RWDD2A: variants seen among roughly 807,000 people sequenced by gnomAD.
The protein encoded by RWDD2A is RWD domain containing 2A.
RWDD2A carries 15 observed loss-of-function variants against 23.1 expected under a neutral mutation model. That is an observed-to-expected ratio of 0.65 (90% CI 0.43 to 1.00). The LOEUF is 1.00. Among genes scored for constraint, RWDD2A ranks in the 50% least tolerant of loss-of-function variants. The probability of loss-of-function intolerance (pLI) is 0.00; values close to 1 mark genes in which losing one functional copy is unlikely to be tolerated. For synonymous variants in RWDD2A, 103 were observed against 123.0 expected, an observed-to-expected ratio of 0.84 and a Z score of 1.08; for missense variants, 310 against 341.7, an observed-to-expected ratio of 0.91 and a Z score of 0.73.
In RWDD2A at chr6:83,195,893, A is replaced by G. The variant is rs747551869; in HGVS notation, c.500A>G (p.Gln167Arg). ...RMWIYSHHIYQQDLRKKILDV... is the reference protein window; with the variant it reads ...RMWIYSHHIYRQDLRKKILDV... The stretch of plus-strand genomic sequence containing the variant: ...TGGATCTACAGTCACCATATATATC[A>G]GCAGGACCTAAGGAAAAAGATTTTG... Residue 167 changes from glutamine (Q) to arginine (R), a missense_variant, in exon 3 of 3, where the codon CAG (glutamine) becomes CGG (arginine). Physicochemically the swap from Gln to Arg is conservative, Grantham distance 43. Transcript: ENST00000369724. 6.2e-7 allele frequency: 1 copy of G among 1,614,232 alleles called. No homozygotes were observed. Among genetic ancestry groups the G allele is most frequent in the South Asian group, 1.1e-5 (1 of 91,084 alleles).
chr6:83,195,676 G>C lies in RWDD2A; in HGVS notation c.283G>C (p.Asp95His), dbSNP rs770174723. Residue 95 changes from aspartate to histidine, a missense_variant, in exon 3 of 3, where the codon GAC (aspartate) becomes CAC (histidine). Coordinates refer to ENST00000369724, the MANE Select transcript of RWDD2A (RefSeq NM_033411.5). ...GCTGTTTGGACGGTCATCTGAACTTGACAGACATCAGCAGCTACTTCTCAA... is the reference window on the plus strand; with the variant it reads ...GCTGTTTGGACGGTCATCTGAACTTCACAGACATCAGCAGCTACTTCTCAA... ...LQLFGRSSELDRHQQLLLNKG... is the reference protein window; with the variant it reads ...LQLFGRSSELHRHQQLLLNKG... 9 of 1,614,090 alleles carry C rather than the reference G, an allele frequency of 5.6e-6. No individual in the cohort carries two copies. In the Admixed American group the frequency reaches 1.2e-4, roughly 21 times the overall value.
rs1789615977 is a variant in RWDD2A at position 83,197,071 on chromosome 6, A to T, written c.*799A>T. 1 of 152,230 alleles carries T rather than the reference A, an allele frequency of 6.6e-6. No individual in the cohort carries two copies. Among genetic ancestry groups the T allele is most frequent in the Admixed American group, 6.5e-5 (1 of 15,284 alleles). 9.4% of individuals were successfully genotyped at this position (152,230 alleles called of 1,614,324 possible). ...AATAGCAGTGGCAAAGGACTCATAG[A>T]CATGAAGTCCCACGAGTTAAAAGAT... On this transcript the variant is annotated 3_prime_UTR_variant, in exon 3 of 3. Transcript: ENST00000369724.
Position 83,198,509 on chromosome 6 carries a change from TTTGC to T in RWDD2A, c.*2238_*2241del, listed in dbSNP as rs1789680410. 3 of 152,174 alleles carry T rather than the reference TTTGC, an allele frequency of 2.0e-5. No homozygotes were observed. Among genetic ancestry groups the T allele is most frequent in the Admixed American group, 2.0e-4 (3 of 15,274 alleles). 9.4% of individuals were successfully genotyped at this position (152,174 alleles called of 1,614,324 possible). A position where few individuals can be genotyped will look rare whatever the true frequency, so the allele number is the denominator to read the frequency against. ...TGTATGTATAGGAGTCTGCTGGTTGTTTGCACAGCCTGATATGAGCACATAATAA... is the reference window on the plus strand; with the variant it reads ...TGTATGTATAGGAGTCTGCTGGTTGTACAGCCTGATATGAGCACATAATAA... On this transcript the variant is annotated 3_prime_UTR_variant, in exon 3 of 3. Coordinates refer to ENST00000369724, the MANE Select transcript of RWDD2A (RefSeq NM_033411.5).
rs751616554 is a variant in RWDD2A at position 83,196,002 on chromosome 6, C to T, written c.609C>T (p.His203=). 1 of 1,614,172 alleles carries T rather than the reference C, an allele frequency of 6.2e-7. No homozygotes were observed. The highest frequency in any genetic ancestry group is 8.5e-7 in the Non-Finnish European group (1 of 1,180,032). Residue 203 remains histidine, a synonymous_variant, in exon 3 of 3, where the codon CAC becomes CAT. Transcript: ENST00000369724. ...GIICVEGFKE[H]CEEFWHTIRY... The stretch of plus-strand genomic sequence containing the variant: ...TCTGTGTGGAGGGTTTCAAAGAGCA[C>T]TGTGAGGAGTTCTGGCACACAATTA...
rs1270853457 is a variant in RWDD2A at position 83,195,770 on chromosome 6, G to C, written c.377G>C (p.Trp126Ser). 1 of 1,613,960 alleles carries C rather than the reference G, an allele frequency of 6.2e-7. No individual in the cohort carries two copies. Among genetic ancestry groups the C allele is most frequent in the Admixed American group, 1.7e-5 (1 of 59,996 alleles). The change falls in exon 3 of 3, where the codon TGG becomes TCG. Residue 126 changes from tryptophan to serine, a missense_variant. Physicochemically the swap from Trp to Ser is radical, Grantham distance 177. Coordinates refer to ENST00000369724, the MANE Select transcript of RWDD2A (RefSeq NM_033411.5). Reference sequence around the variant, plus strand: ...CTCTGTGTATGTGCAGCAATCCAGTGGCTACAGGACAACAGTGCATCTTAT... The same window carrying C: ...CTCTGTGTATGTGCAGCAATCCAGTCGCTACAGGACAACAGTGCATCTTAT... ...GELCVCAAIQ[W>S]LQDNSASYFL...
At chr6:83,193,664 A>G (rs1427493000) in intron 1 of RWDD2A, among the ~76,000 whole-genome samples, 1 of 152,072 alleles carries the variant, frequency 6.6e-6, no homozygotes, top group African/African-American at 2.4e-5. Context: ...GCCCACAGTG[A>G]GCGCCGCCGG....
At chr6:83,193,821 A>G (rs1163550220) in intron 1 of RWDD2A, 1 of 151,460 alleles carries the variant, frequency 6.6e-6, no homozygotes, top group African/African-American at 2.4e-5. Context: ...GACACCCCCT[A>G]CCCTTATCCT....
At position 83,194,608 on chromosome 6, in the gene RWDD2A, C is replaced by T; in HGVS notation, c.157C>T (p.Pro53Ser). 2 of 1,614,134 alleles carry T rather than the reference C, an allele frequency of 1.2e-6. No homozygotes were observed. The highest frequency in any genetic ancestry group is 1.7e-6 in the Non-Finnish European group (2 of 1,180,022). The part of the protein sequence containing the change: ...YLEGTREALP[P>S]KIEFVITLQI... The stretch of plus-strand genomic sequence containing the variant: ...GGAAGGCACAAGGGAGGCGCTGCCA[C>T]CAAAAATCGAATTTGTAATTACACT... The change falls in exon 2 of 3, where the codon CCA becomes TCA. Residue 53 changes from proline to serine, a missense_variant. Physicochemically the swap from Pro to Ser is moderately conservative, Grantham distance 74. Transcript: ENST00000369724.
chr6:83,196,412 A>C lies in RWDD2A; in HGVS notation c.*140A>C. On this transcript the variant is annotated 3_prime_UTR_variant, in exon 3 of 3. Coordinates refer to ENST00000369724, the MANE Select transcript of RWDD2A (RefSeq NM_033411.5). Reference sequence around the variant, plus strand: ...GAATTTTCACCTGGTAACGAATTTCAACTGACAGTGAAATGAATAGGCCTT... The same window carrying C: ...GAATTTTCACCTGGTAACGAATTTCCACTGACAGTGAAATGAATAGGCCTT... 1.8e-5 allele frequency: 10 copies of C among 547,930 alleles called. No individual in the cohort carries two copies. Among genetic ancestry groups the C allele is most frequent in the East Asian group, 3.1e-5 (1 of 32,414 alleles). 33.9% of individuals were successfully genotyped at this position (547,930 alleles called of 1,614,324 possible). A position where few individuals can be genotyped will look rare whatever the true frequency, so the allele number is the denominator to read the frequency against.
Position 83,194,524 on chromosome 6 carries a change from A to G in RWDD2A, c.73A>G (p.Asn25Asp), listed in dbSNP as rs1341740937. The G allele has an allele frequency of 6.2e-7, 1 of 1,613,920 alleles. No homozygotes were observed. Among genetic ancestry groups the G allele is most frequent in the Non-Finnish European group, 8.5e-7 (1 of 1,179,976 alleles). Residue 25 changes from asparagine to aspartate, a missense_variant, in exon 2 of 3, where the codon AAC (asparagine) becomes GAC (aspartate). Asn to Asp is a conservative substitution (Grantham distance 23). Coordinates refer to ENST00000369724, the MANE Select transcript of RWDD2A (RefSeq NM_033411.5). ...EMEMLFSMFP[N>D]QGEVKLEDVN... ...GGAAATGCTGTTTTCTATGTTTCCT[A>G]ACCAAGGAGAAGTAAAACTTGAAGA...
In RWDD2A at chr6:83,196,509, T is replaced by C. The variant is rs555285622; in HGVS notation, c.*237T>C. 27 of 288,704 alleles carry C rather than the reference T, an allele frequency of 9.4e-5. No individual in the cohort carries two copies. The highest frequency in any genetic ancestry group is 5.6e-4 in the African/African-American group (26 of 46,314). 17.9% of individuals were successfully genotyped at this position (288,704 alleles called of 1,614,324 possible). On this transcript the variant is annotated 3_prime_UTR_variant, in exon 3 of 3. Transcript: ENST00000369724. ...GTGAAGTCATTCAAAAACTATTTCA[T>C]TGTAAATTAATAAAAACAATCCATT...
In RWDD2A at chr6:83,198,433, G is replaced by T. The variant is rs976456908; in HGVS notation, c.*2161G>T. The T allele has an allele frequency of 2.0e-5, 3 of 151,996 alleles. No homozygotes were observed. In the East Asian group the frequency reaches 5.8e-4, roughly 29 times the overall value. 9.4% of individuals were successfully genotyped at this position (151,996 alleles called of 1,614,324 possible). On this transcript the variant is annotated 3_prime_UTR_variant, in exon 3 of 3. Coordinates refer to ENST00000369724, the MANE Select transcript of RWDD2A (RefSeq NM_033411.5). ...CTAATGCAGATAGTATTATGGGGAC[G>T]TGTAGGTTTTATAGAAAAAAAAAGT...
Position 83,198,494 on chromosome 6 carries a change from G to C in RWDD2A, c.*2222G>C, listed in dbSNP as rs966830584. On this transcript the variant is annotated 3_prime_UTR_variant, in exon 3 of 3. Transcript: ENST00000369724. ...TTCAAAACTCAACTTTGTATGTATA[G>C]GAGTCTGCTGGTTGTTTGCACAGCC... is the stretch of plus-strand genomic sequence containing the variant. 3 of 151,998 alleles carry C rather than the reference G, an allele frequency of 2.0e-5. No homozygotes were observed. The highest frequency in any genetic ancestry group is 7.2e-5 in the African/African-American group (3 of 41,392). The allele number at this position is 151,998 out of a possible 1,614,324, so 9.4% of individuals were successfully genotyped here.
Position 83,196,127 on chromosome 6 carries a change from T to TA in RWDD2A, c.735dup (p.Leu246ThrfsTer3). ...CGCCTTTTCCATTCTTTTGAAGAGT[T>TA]ACTCCTTGAGGCTCATGGTGACTAT... On this transcript the variant is annotated frameshift_variant, in exon 3 of 3. Transcript: ENST00000369724. LOFTEE classifies it high-confidence loss of function. 1 of 1,614,084 alleles carries TA rather than the reference T, an allele frequency of 6.2e-7. No homozygotes were observed. Among genetic ancestry groups the TA allele is most frequent in the Non-Finnish European group, 8.5e-7 (1 of 1,179,978 alleles).
At position 83,198,018 on chromosome 6, in the gene RWDD2A, C is replaced by A. The variant is rs760939439; in HGVS notation, c.*1746C>A. 1 of 152,150 alleles carries A rather than the reference C, an allele frequency of 6.6e-6. No homozygotes were observed. The highest frequency in any genetic ancestry group is 1.5e-5 in the Non-Finnish European group (1 of 68,032). The allele number at this position is 152,150 out of a possible 1,614,324, so 9.4% of individuals were successfully genotyped here. On this transcript the variant is annotated 3_prime_UTR_variant, in exon 3 of 3. Coordinates refer to ENST00000369724, the MANE Select transcript of RWDD2A (RefSeq NM_033411.5). ...TGGAGCCTGACACTTTGCCTATATG[C>A]AAAGGGAAGAAATAGGACTTACATT...
rs1159987142 is a variant in RWDD2A at position 83,195,629 on chromosome 6, G to A, written c.236G>A (p.Ser79Asn). Residue 79 changes from serine (S) to asparagine (N), a missense_variant, in exon 3 of 3, where the codon AGC becomes AAC. Ser to Asn is a conservative substitution (Grantham distance 46). Coordinates refer to ENST00000369724, the MANE Select transcript of RWDD2A (RefSeq NM_033411.5). The part of the protein sequence containing the change: ...KIDLQVTMPH[S>N]YPYVALQLFG... ...GATTTGCAAGTGACCATGCCTCACA[G>A]CTACCCCTATGTAGCATTGCAGCTG... is the stretch of plus-strand genomic sequence containing the variant. 9 of 1,613,814 alleles carry A rather than the reference G, an allele frequency of 5.6e-6. No homozygotes were observed. The highest frequency in any genetic ancestry group is 1.7e-5 in the Admixed American group (1 of 59,988).
rs771733518 is a variant in RWDD2A at position 83,196,285 on chromosome 6, A to C, written c.*13A>C. ...TTCAGACTCATAAAAAGCGATTAAG[A>C]GGCCTATGCCTGTAATTTCACTAAG... is the stretch of plus-strand genomic sequence containing the variant. On this transcript the variant is annotated 3_prime_UTR_variant, in exon 3 of 3. Transcript: ENST00000369724. The C allele has an allele frequency of 1.0e-5, 16 of 1,525,008 alleles. No individual in the cohort carries two copies. The highest frequency in any genetic ancestry group is 1.4e-5 in the Non-Finnish European group (16 of 1,139,178). 94.5% of individuals were successfully genotyped at this position (1,525,008 alleles called of 1,614,324 possible). A position where few individuals can be genotyped will look rare whatever the true frequency, so the allele number is the denominator to read the frequency against.
intron 2 of RWDD2A, 125 bp from the exon 3 acceptor site, chr6:83,195,470 A>C (rs1789541549): frequency 1.3e-6 from 1 of 753,008 alleles, no homozygotes; most frequent in African/African-American, 1.8e-5. Context: ...GGAAGCAATC[A>C]TGTATGTAAA....
chr6:83,195,427 G>A, intron 2 of RWDD2A, 168 bp from the exon 3 acceptor site: 1 of 639,100 alleles, frequency 1.6e-6, no homozygotes, highest in Admixed American at 3.1e-5. Flanking sequence ...GGCACACGTA[G>A]TTGTTCAATA....
Sources: allele counts gnomAD v4.1 joint callset (sites outside exome capture counted in the v4.1 genomes callset), GRCh38; gene constraint gnomAD v4.1.1; transcripts MANE v1.5; gene names NCBI Gene and HGNC (gene_info 2026-07-23, HGNC 2026-07-21).